The following DIS3L2 variants were observed in gnomAD, a reference collection of about 807,000 sequenced individuals.
DIS3L2 encodes the protein DIS3 like 3'-5' exoribonuclease 2.
In DIS3L2, 34 loss-of-function variants were observed where a neutral mutation model predicts 97.5. That is an observed-to-expected ratio of 0.35 (90% CI 0.27 to 0.46). The LOEUF is 0.46. Ranked by LOEUF, DIS3L2 falls within the 20% of genes least tolerant of loss-of-function variation. The pLI, the probability that DIS3L2 is intolerant of heterozygous loss-of-function variation, is 1.00. For missense variants in DIS3L2, 1,038 were observed against 1,146.0 expected (o/e 0.91, Z 1.36); for synonymous variants, 435 against 445.2 (o/e 0.98, Z 0.29).
chr2:232,168,432 A>G (rs1407500886), intron 9 of DIS3L2, among the ~76,000 whole-genome samples: 1 of 152,230 alleles, frequency 6.6e-6, no homozygotes, highest in East Asian at 1.9e-4. Flanking sequence ...TGTTAATGAT[A>G]CTACTAGGAG....
At chr2:232,174,616 G>A (rs974766509) in intron 9 of DIS3L2, among the ~76,000 whole-genome samples, 3 of 149,132 alleles carry the variant, frequency 2.0e-5, no homozygotes, top group East Asian at 3.9e-4. Context: ...AAAATTGTTA[G>A]CTCTGTTTTT....
At chr2:231,964,162 G>A (rs533601985) in intron 1 of DIS3L2, among the ~76,000 whole-genome samples, 21 of 152,250 alleles carry the variant, frequency 1.4e-4, no homozygotes, top group South Asian at 4.1e-4. Context: ...TTGTCAGTTT[G>A]TTGAAGATCA....
At chr2:232,209,791 A>G (rs1692136155) in intron 9 of DIS3L2, among the ~76,000 whole-genome samples, 6 of 152,344 alleles carry the variant, frequency 3.9e-5, no homozygotes, top group Middle Eastern at 3.4e-3. Context: ...AAATGGGCAC[A>G]TGGTGTACTT....
intron 1 of DIS3L2, among the ~76,000 whole-genome samples, chr2:232,006,250 A>T (rs1407778237): frequency 6.6e-6 from 1 of 152,228 alleles, no homozygotes; most frequent in Non-Finnish European, 1.5e-5. Flanking sequence ...TGTAGGTGAA[A>T]CGTGGAGTGA....
At chr2:232,273,268 C>G (rs914649241) in intron 13 of DIS3L2, among the ~76,000 whole-genome samples, 1 of 152,146 alleles carries the variant, frequency 6.6e-6, no homozygotes, top group South Asian at 2.1e-4. Context: ...TTCCCTGTCT[C>G]CTTTTCTAAG....
At chr2:232,257,219 T>A (rs915021551) in intron 12 of DIS3L2, among the ~76,000 whole-genome samples, 57 of 152,214 alleles carry the variant, frequency 3.7e-4, no homozygotes, top group African/African-American at 1.3e-3. Context: ...ATGGCCCTAG[T>A]GTGAGGACTG....
At chr2:232,329,748 T>C (rs1171152470) in intron 14 of DIS3L2, 65 bp from the exon 15 acceptor site, 8 of 1,400,996 alleles carry the variant, frequency 5.7e-6, no homozygotes, top group Non-Finnish European at 7.5e-6. Flanking sequence ...GGCTGCAGCG[T>C]GGGAAAGCCT....
rs554216370 is a variant in DIS3L2 at position 232,103,384 on chromosome 2, A to G, written c.601+15663A>G. ...TATTGGCTTGAGACCAAGTTAACCA[A>G]ATGTCCTCTTTTATATTAAAAGTTT... On this transcript the variant is annotated intron_variant, in intron 6 of 20. Coordinates refer to ENST00000325385, the MANE Select transcript of DIS3L2 (RefSeq NM_152383.5). Among the ~76,000 whole-genome samples the G allele has an allele frequency of 1.1e-4, 16 of 152,274 alleles. No homozygotes were observed. In the East Asian group the frequency reaches 3.1e-3, roughly 29 times the overall value.
intron 14 of DIS3L2, among the ~76,000 whole-genome samples, chr2:232,302,567 T>C (rs1347598611): frequency 6.6e-6 from 1 of 151,088 alleles, no homozygotes; most frequent in Non-Finnish European, 1.5e-5. Context: ...TTTTTTTTTT[T>C]TTTCTATTTT....
At chr2:232,054,140 C>G (rs1695483775) in intron 5 of DIS3L2, among the ~76,000 whole-genome samples, 1 of 152,172 alleles carries the variant, frequency 6.6e-6, no homozygotes. Context: ...ATGAAGAACA[C>G]ATTTATATTT....
chr2:232,322,492 G>A (rs1695463042), intron 14 of DIS3L2, among the ~76,000 whole-genome samples: 1 of 152,236 alleles, frequency 6.6e-6, no homozygotes, highest in Admixed American at 6.5e-5. Context: ...TGCACTGGGT[G>A]TGGGGGACCA....
chr2:232,155,023 C>G lies in DIS3L2; in HGVS notation c.951-8436C>G, dbSNP rs534910410. ...GGAAAGGGAACTCCCTGACCCCTTG[C>G]GCTTCCCAGGTGAGGCAATGCCTCG... is the stretch of plus-strand genomic sequence containing the variant. On this transcript the variant is annotated intron_variant, in intron 8 of 20. Transcript: ENST00000325385. 6.7e-5 allele frequency among the ~76,000 whole-genome samples: 10 copies of G among 149,588 alleles called. No individual in the cohort carries two copies. In the East Asian group the frequency reaches 1.8e-3, roughly 27 times the overall value.
At chr2:232,101,398 TA>T (rs199909736) in intron 6 of DIS3L2, among the ~76,000 whole-genome samples, 1 of 43,882 alleles carries the variant, frequency 2.3e-5, no homozygotes, top group South Asian at 7.0e-4. Flanking sequence ...TACCTAGATG[TA>T]TTTTTTGTAT....
chr2:232,032,923 G>A (rs553637000), intron 5 of DIS3L2, among the ~76,000 whole-genome samples: 19 of 152,110 alleles, frequency 1.2e-4, no homozygotes, highest in Non-Finnish European at 2.4e-4. Context: ...GTCAGGTAGC[G>A]TGATGCCTCC....
At chr2:232,025,013 G>A (rs1445714246) in intron 4 of DIS3L2, among the ~76,000 whole-genome samples, 1 of 152,090 alleles carries the variant, frequency 6.6e-6, no homozygotes, top group Non-Finnish European at 1.5e-5. Context: ...AAATAGAATA[G>A]CTATAGAATC....
chr2:232,044,800 G>A (rs1194427902), intron 5 of DIS3L2, among the ~76,000 whole-genome samples: 1 of 152,126 alleles, frequency 6.6e-6, no homozygotes, highest in African/African-American at 2.4e-5. Context: ...GTGGTGGCCA[G>A]CAAGGAAGGA....
intron 1 of DIS3L2, among the ~76,000 whole-genome samples, chr2:231,987,668 A>G (rs954113000): frequency 2.0e-5 from 3 of 152,092 alleles, no homozygotes; most frequent in African/African-American, 7.2e-5. Flanking sequence ...GGCCCAGCTT[A>G]TTTCCCTGGA....
intron 5 of DIS3L2, among the ~76,000 whole-genome samples, chr2:232,058,679 T>A (rs1418531569): frequency 6.6e-6 from 1 of 152,164 alleles, no homozygotes; most frequent in African/African-American, 2.4e-5. Context: ...CTTTCTTGAG[T>A]CAATAAGGAG....
chr2:232,012,378 A>T (rs1694226582), intron 1 of DIS3L2, among the ~76,000 whole-genome samples: 1 of 152,072 alleles, frequency 6.6e-6, no homozygotes, highest in Admixed American at 6.5e-5. Context: ...CAGCTGATCT[A>T]GGGACACTGG....
Sources: gnomAD v4.1 joint callset for allele counts (sites outside exome capture counted in the v4.1 genomes callset) on GRCh38, gnomAD v4.1.1 for gene constraint, MANE v1.5 for transcripts, NCBI Gene and HGNC (gene_info 2026-07-23, HGNC 2026-07-21) for gene names.